HDAC3: variants seen among roughly 807,000 people sequenced by gnomAD.
HDAC3 encodes the protein SMAP45.
HDAC3 carries 21 observed loss-of-function variants against 62.3 expected under a neutral mutation model. The ratio of observed to expected loss-of-function variants is 0.34; its 90% CI spans 0.24 to 0.49. The LOEUF is 0.49. Among genes scored for constraint, HDAC3 ranks in the 20% least tolerant of loss-of-function variants. HDAC3 has a pLI of 0.99. For synonymous variants in HDAC3, 198 were observed against 206.5 expected (o/e 0.96, Z 0.35); for missense variants, 270 against 556.9 (o/e 0.48, Z 5.19).
chr5:141,627,816 C>T, intron 10 of HDAC3, 77 bp downstream of exon 10: 3 of 1,279,288 alleles, frequency 2.3e-6, no homozygotes, highest in African/African-American at 2.9e-5. Context: ...AGGCCCATTC[C>T]CCAACTACCC....
intron 14 of HDAC3, among the ~76,000 whole-genome samples, chr5:141,624,372 C>CA (rs58610895): frequency 0.1 from 2,249 of 22,082 alleles, 596 homozygotes; most frequent in Admixed American, 0.16. Context: ...CCGTCTCTAC[C>CA]AAAAAAAAAA....
intron 2 of HDAC3, among the ~76,000 whole-genome samples, chr5:141,635,417 A>G (rs1456344373): frequency 2.0e-5 from 3 of 152,248 alleles, no homozygotes; most frequent in Admixed American, 6.5e-5. Context: ...CTGCACAAGA[A>G]AGAGCTTTTC....
Position 141,625,785 on chromosome 5 carries a change from G to C in HDAC3, c.980-21C>G. On this transcript the variant is annotated intron_variant, in intron 12 of 14. Transcript: ENST00000305264. The surrounding 1 kb of genome is among the most constrained non-coding windows in gnomAD (Gnocchi z 4.0). ...GTATTCTTGGGGAGGAGAGGAGAAAGTATGGCTCAGACTGAGAAAGGCAGC... is the reference window on the plus strand; with the variant it reads ...GTATTCTTGGGGAGGAGAGGAGAAACTATGGCTCAGACTGAGAAAGGCAGC... 1.9e-6 allele frequency: 3 copies of C among 1,605,810 alleles called. No individual in the cohort carries two copies. Among genetic ancestry groups the C allele is most frequent in the Non-Finnish European group, 2.6e-6 (3 of 1,172,390 alleles).
In HDAC3 at chr5:141,628,296, C is replaced by A; in HGVS notation, c.692-109G>T. 1.1e-6 allele frequency: 1 copy of A among 898,156 alleles called. No homozygotes were observed. The highest frequency in any genetic ancestry group is 1.8e-6 in the Non-Finnish European group (1 of 557,534). 55.6% of individuals were successfully genotyped at this position (898,156 alleles called of 1,614,324 possible). A position where few individuals can be genotyped will look rare whatever the true frequency, so the allele number is the denominator to read the frequency against. ...CATGTAGCCCAGGAAAGGGGCCACCCAAAAGAATCAAATCACTGGTCTGAA... is the reference window on the plus strand; with the variant it reads ...CATGTAGCCCAGGAAAGGGGCCACCAAAAAGAATCAAATCACTGGTCTGAA... On this transcript the variant is annotated intron_variant, in intron 8 of 14. Transcript: ENST00000305264. The surrounding 1 kb of genome is among the most constrained non-coding windows in gnomAD (Gnocchi z 4.7).
At position 141,628,679 on chromosome 5, in the gene HDAC3, A is replaced by C. The variant is rs113444998; in HGVS notation, c.611-40T>G. 14 of 1,496,478 alleles carry C rather than the reference A, an allele frequency of 9.4e-6. No homozygotes were observed. Among genetic ancestry groups the C allele is most frequent in the Admixed American group, 1.7e-5 (1 of 57,736 alleles). 92.7% of individuals were successfully genotyped at this position (1,496,478 alleles called of 1,614,324 possible). A position where few individuals can be genotyped will look rare whatever the true frequency, so the allele number is the denominator to read the frequency against. Reference sequence around the variant, plus strand: ...GTGGTGGTAGCCACACATGGGAAGCACCCACAACCCAGCTGTTTCAGCCCC... The same window carrying C: ...GTGGTGGTAGCCACACATGGGAAGCCCCCACAACCCAGCTGTTTCAGCCCC... On this transcript the variant is annotated intron_variant, in intron 7 of 14. Transcript: ENST00000305264. This position sits in a 1 kb window ranked among gnomAD's most constrained non-coding sequence, Gnocchi z 4.7.
chr5:141,630,917 G>C (rs2099905114), intron 3 of HDAC3, among the ~76,000 whole-genome samples: 1 of 150,922 alleles, frequency 6.6e-6, no homozygotes, highest in Non-Finnish European at 1.5e-5. Context: ...AAACTCCTGG[G>C]CCTAAGTGAT....
intron 2 of HDAC3, chr5:141,636,331 T>G (rs1046785748): frequency 1.7e-6 from 1 of 593,784 alleles, no homozygotes; most frequent in Non-Finnish European, 3.1e-6. Context: ...GTGCCTACAG[T>G]CAGAGGGTGG....
At chr5:141,635,976 T>C (rs1388974587) in intron 2 of HDAC3, 5 of 152,944 alleles carry the variant, frequency 3.3e-5, no homozygotes, top group African/African-American at 4.8e-5. Context: ...TGTGTATGTC[T>C]GGTAGATGAA....
At chr5:141,622,478 C>A (rs1167906993) in intron 14 of HDAC3, among the ~76,000 whole-genome samples, 1 of 152,026 alleles carries the variant, frequency 6.6e-6, no homozygotes, top group Non-Finnish European at 1.5e-5. Context: ...GTGGCACATG[C>A]CTGTAATCTC....
intron 3 of HDAC3, among the ~76,000 whole-genome samples, chr5:141,630,836 TG>T (rs2099905101): frequency 6.6e-6 from 1 of 151,344 alleles, no homozygotes. Context: ...GGAAATTTCC[TG>T]TACCTTGATA....
chr5:141,621,158 T>G lies in HDAC3; in HGVS notation c.*310A>C. ...CGTTCATCCCTCAAAAATCTCTGGG[T>G]TCGAGGGAAGCAGGGAAGAAATAAG... On this transcript the variant is annotated 3_prime_UTR_variant, in exon 15 of 15. Coordinates refer to ENST00000305264, the MANE Select transcript of HDAC3 (RefSeq NM_003883.4). 3.2e-6 allele frequency: 1 copy of G among 316,674 alleles called. No individual in the cohort carries two copies. The highest frequency in any genetic ancestry group is 9.9e-5 in the East Asian group (1 of 10,124). The allele number at this position is 316,674 out of a possible 1,614,324, so 19.6% of individuals were successfully genotyped here.
Position 141,626,764 on chromosome 5 carries a change from A to G in HDAC3, c.831-481T>C, listed in dbSNP as rs561690244. On this transcript the variant is annotated intron_variant, in intron 10 of 14. Transcript: ENST00000305264. The surrounding 1 kb of genome is among the most constrained non-coding windows in gnomAD (Gnocchi z 4.6). ...TCTCAAAAAAGAAAAAAAAAAACATATATATGTGTGTGTGTGTGTGTATAT... is the reference window on the plus strand; with the variant it reads ...TCTCAAAAAAGAAAAAAAAAAACATGTATATGTGTGTGTGTGTGTGTATAT... Among the ~76,000 whole-genome samples, 4 of 128,788 alleles carry G rather than the reference A, an allele frequency of 3.1e-5. No homozygotes were observed. In the East Asian group the frequency reaches 8.1e-4, roughly 26 times the overall value. 84.5% of individuals were successfully genotyped at this position (128,788 alleles called of 152,430 possible).
At position 141,629,100 on chromosome 5, in the gene HDAC3, G is replaced by C; in HGVS notation, c.610+73C>G. The C allele has an allele frequency of 6.6e-7, 1 of 1,508,950 alleles. No individual in the cohort carries two copies. The highest frequency in any genetic ancestry group is 9.1e-7 in the Non-Finnish European group (1 of 1,099,328). 93.5% of individuals were successfully genotyped at this position (1,508,950 alleles called of 1,614,324 possible). A position where few individuals can be genotyped will look rare whatever the true frequency, so the allele number is the denominator to read the frequency against. ...GGAGGGGACACCTGAGATGAGACTA[G>C]AAGGCTGAGAAGGAGGCACTCATAG... On this transcript the variant is annotated intron_variant, in intron 7 of 14. Transcript: ENST00000305264. This position sits in a 1 kb window ranked among gnomAD's most constrained non-coding sequence, Gnocchi z 5.3.
intron 3 of HDAC3, 71 bp from the exon 4 acceptor site, chr5:141,630,196 C>T: frequency 7.3e-7 from 1 of 1,373,880 alleles, no homozygotes; most frequent in Non-Finnish European, 1.0e-6. Flanking sequence ...CCCTCCCCAT[C>T]CTAGATTCCT....
In HDAC3 at chr5:141,625,403, A is replaced by G; in HGVS notation, c.1060-38T>C. The G allele has an allele frequency of 6.2e-7, 1 of 1,608,112 alleles. No individual in the cohort carries two copies. The highest frequency in any genetic ancestry group is 8.5e-7 in the Non-Finnish European group (1 of 1,175,518). On this transcript the variant is annotated intron_variant, in intron 13 of 14. Transcript: ENST00000305264. The surrounding 1 kb of genome is among the most constrained non-coding windows in gnomAD (Gnocchi z 4.0). Reference sequence around the variant, plus strand: ...GAGGAATACAGAGTGAGCAGTTTCCAGAGATTCCCAGGACATGGAATCTCC... The same window carrying G: ...GAGGAATACAGAGTGAGCAGTTTCCGGAGATTCCCAGGACATGGAATCTCC...
intron 14 of HDAC3, chr5:141,624,786 T>G (rs529847305): frequency 6.4e-6 from 1 of 156,812 alleles, no homozygotes; most frequent in Admixed American, 6.4e-5. Flanking sequence ...TGAAAACAGC[T>G]ATATGATGTA....
chr5:141,631,376 T>C (rs1210912985), intron 3 of HDAC3, among the ~76,000 whole-genome samples: 2 of 152,160 alleles, frequency 1.3e-5, no homozygotes, highest in African/African-American at 4.8e-5. Context: ...GAAAAAATAA[T>C]GCAATTGTCA....
Position 141,629,078 on chromosome 5 carries a change from G to A in HDAC3, c.610+95C>T. On this transcript the variant is annotated intron_variant, in intron 7 of 14. Transcript: ENST00000305264. The surrounding 1 kb of genome is among the most constrained non-coding windows in gnomAD (Gnocchi z 5.3). ...TGGTAAGGAAAGGCTTCTCTGAGGA[G>A]GGGACACCTGAGATGAGACTAGAAG... is the stretch of plus-strand genomic sequence containing the variant. 2 of 1,305,530 alleles carry A rather than the reference G, an allele frequency of 1.5e-6. No individual in the cohort carries two copies. Among genetic ancestry groups the A allele is most frequent in the South Asian group, 2.7e-5 (2 of 74,780 alleles). 80.9% of individuals were successfully genotyped at this position (1,305,530 alleles called of 1,614,324 possible). A position where few individuals can be genotyped will look rare whatever the true frequency, so the allele number is the denominator to read the frequency against.
Position 141,625,275 on chromosome 5 carries a change from G to A in HDAC3, c.1150C>T (p.Leu384Phe), listed in dbSNP as rs2099904291. The A allele has an allele frequency of 3.7e-6, 6 of 1,614,112 alleles. No individual in the cohort carries two copies. In the East Asian group the frequency reaches 1.1e-4, roughly 30 times the overall value. ...TCATCAGTCCTGTCATAGGTCAGGAGGTCTGCAGGCACGTCATGAATCTGG... is the reference window on the plus strand; with the variant it reads ...TCATCAGTCCTGTCATAGGTCAGGAAGTCTGCAGGCACGTCATGAATCTGG... ...SVQIHDVPAD[L>F]LTYDRTDEAD... Residue 384 changes from leucine to phenylalanine, a missense_variant, in exon 14 of 15, where the codon CTC becomes TTC. Physicochemically the swap from Leu to Phe is conservative, Grantham distance 22 (BLOSUM62 0). This residue lies in a region of HDAC3 where 44 missense variants were observed against 64.3 expected (regional missense o/e 0.68). Transcript: ENST00000305264. This position sits in a 1 kb window ranked among gnomAD's most constrained non-coding sequence, Gnocchi z 4.0.
Sources: gnomAD v4.1 joint callset for allele counts (sites outside exome capture counted in the v4.1 genomes callset) on GRCh38, gnomAD v4.1.1 for gene constraint, gnomAD v4.1.1 regional missense constraint, Gnocchi (gnomAD v3.1) non-coding constraint, MANE v1.5 for transcripts, NCBI Gene and HGNC (gene_info 2026-07-23, HGNC 2026-07-21) for gene names.